The following FKBP5 variants were observed in gnomAD, a reference collection of about 807,000 sequenced individuals.
The protein encoded by FKBP5 is FKBP prolyl isomerase 5, also known as peptidyl-prolyl cis-trans isomerase FKBP5.
A neutral mutation model predicts 50.5 loss-of-function variants in FKBP5; 23 were observed. The observed-to-expected ratio is 0.46, with a 90% CI of 0.33 to 0.65. FKBP5 has a LOEUF of 0.65. Among genes scored for constraint, FKBP5 ranks in the 30% least tolerant of loss-of-function variants. FKBP5 has a pLI of 0.02. For synonymous variants in FKBP5, 176 were observed against 190.6 expected (o/e 0.92, Z 0.63); for missense variants, 411 against 553.1 (o/e 0.74, Z 2.58).
rs3734257 is a variant in FKBP5 at position 35,582,049 on chromosome 6, G to A, written c.841-1828C>T. The A allele has an allele frequency of 9.2e-5, 91 of 985,628 alleles. 1 individual carries two copies. The East Asian group carries it at 8.7e-3, about 95-fold the overall frequency. 61.1% of individuals were successfully genotyped at this position (985,628 alleles called of 1,614,324 possible). The stretch of plus-strand genomic sequence containing the variant: ...CTGCCTGTAGAAAGGAAGCCCTGGT[G>A]TGGATTTTCTGGTGATGAAGATGGG... On this transcript the variant is annotated intron_variant, in intron 8 of 10. Coordinates refer to ENST00000357266, the MANE Select transcript of FKBP5 (RefSeq NM_004117.4).
intron 5 of FKBP5, among the ~76,000 whole-genome samples, chr6:35,610,567 C>CAAAAAAA (rs35101873): frequency 3.4e-5 from 2 of 58,608 alleles, no homozygotes; most frequent in Admixed American, 3.1e-4. Context: ...GACTCCGTCT[C>CAAAAAAA]AAAAAAAAAA....
At chr6:35,637,386 T>C (rs931127374) in intron 2 of FKBP5, among the ~76,000 whole-genome samples, 1 of 152,158 alleles carries the variant, frequency 6.6e-6, no homozygotes, top group Non-Finnish European at 1.5e-5. Context: ...AATCGCACTA[T>C]TTATTCCTTC....
intron 1 of FKBP5, among the ~76,000 whole-genome samples, chr6:35,654,560 C>G (rs1460598094): frequency 2.0e-5 from 3 of 152,190 alleles, no homozygotes; most frequent in African/African-American, 7.2e-5. Flanking sequence ...TGTTTTACCC[C>G]CTGAAGCAAC....
intron 8 of FKBP5, chr6:35,586,711 CTTG>C (rs1762611231): frequency 2.6e-6 from 3 of 1,153,576 alleles, no homozygotes; most frequent in Non-Finnish European, 3.2e-6. Flanking sequence ...TCCAAAAACA[CTTG>C]TTGAGTGCCA....
At chr6:35,610,717 G>A (rs1451348762) in intron 5 of FKBP5, among the ~76,000 whole-genome samples, 1 of 150,696 alleles carries the variant, frequency 6.6e-6, no homozygotes, top group African/African-American at 2.4e-5. Flanking sequence ...TTTAGAACCT[G>A]GCCTTACTGG....
At chr6:35,675,462 C>A (rs559654228) in intron 1 of FKBP5, among the ~76,000 whole-genome samples, 2 of 152,308 alleles carry the variant, frequency 1.3e-5, no homozygotes, top group South Asian at 4.1e-4. Flanking sequence ...CCCAGCTACT[C>A]AGGAGGCTGA....
chr6:35,724,555 A>G (rs1033751782), intron 1 of FKBP5, among the ~76,000 whole-genome samples: 1 of 152,184 alleles, frequency 6.6e-6, no homozygotes, highest in Non-Finnish European at 1.5e-5. Context: ...TTAGTTACAT[A>G]ATCTGAGCAA....
At chr6:35,594,039 G>A (rs1190253770) in intron 6 of FKBP5, among the ~76,000 whole-genome samples, 3 of 151,970 alleles carry the variant, frequency 2.0e-5, no homozygotes. Flanking sequence ...GTCTGGAAAT[G>A]TTTTATGACT....
At chr6:35,610,523 G>A (rs943675572) in intron 5 of FKBP5, among the ~76,000 whole-genome samples, 3 of 125,104 alleles carry the variant, frequency 2.4e-5, no homozygotes. Context: ...AGCCAAGACC[G>A]CGCCACTGCA....
At chr6:35,606,122 G>A (rs1193004883) in intron 5 of FKBP5, among the ~76,000 whole-genome samples, 1 of 152,190 alleles carries the variant, frequency 6.6e-6, no homozygotes, top group Admixed American at 6.5e-5. Flanking sequence ...GAAGCAGATG[G>A]ACAAACTACA....
intron 1 of FKBP5, among the ~76,000 whole-genome samples, chr6:35,656,588 A>G (rs527958102): frequency 9.2e-5 from 14 of 152,318 alleles, no homozygotes; most frequent in African/African-American, 3.4e-4. Context: ...TACAGATGCC[A>G]TAAGAAATTA....
chr6:35,598,222 A>G (rs942382264), intron 5 of FKBP5, among the ~76,000 whole-genome samples: 2 of 152,124 alleles, frequency 1.3e-5, no homozygotes. Flanking sequence ...TTTTTTCTTG[A>G]TGAGTTAGAC....
chr6:35,612,193 C>T (rs1763512643), intron 5 of FKBP5, among the ~76,000 whole-genome samples: 1 of 152,070 alleles, frequency 6.6e-6, no homozygotes, highest in Non-Finnish European at 1.5e-5. Context: ...GAGTTCAAGA[C>T]CAGTCTGGCT....
In FKBP5 at chr6:35,622,512, T is replaced by TA. The variant is rs1351666613; in HGVS notation, c.251-2239dup. Among the ~76,000 whole-genome samples the TA allele has an allele frequency of 5.6e-3, 790 of 140,288 alleles. 8 individuals are homozygous for TA. Among genetic ancestry groups the TA allele is most frequent in the African/African-American group, 0.014 (522 of 38,348 alleles). The allele number at this position is 140,288 out of a possible 152,430, so 92.0% of individuals were successfully genotyped here. On this transcript the variant is annotated intron_variant, in intron 3 of 10. Transcript: ENST00000357266. ...GGTGACAGAGCGAGACCCTGTCTCT[T>TA]AAAAAAAAAAAAAAATCAAGTAATA...
At chr6:35,613,321 T>G (rs1763548689) in intron 5 of FKBP5, among the ~76,000 whole-genome samples, 1 of 152,094 alleles carries the variant, frequency 6.6e-6, no homozygotes. Flanking sequence ...ATCAAGCAAT[T>G]CTCCTGCCTC....
At chr6:35,676,779 C>T (rs1360586433) in intron 1 of FKBP5, among the ~76,000 whole-genome samples, 6 of 152,130 alleles carry the variant, frequency 3.9e-5, no homozygotes, top group Non-Finnish European at 7.4e-5. Context: ...GAAATTTTAA[C>T]ATTTCCCAAA....
chr6:35,685,196 G>C (rs1765788247), intron 1 of FKBP5, among the ~76,000 whole-genome samples: 1 of 152,162 alleles, frequency 6.6e-6, no homozygotes, highest in Non-Finnish European at 1.5e-5. Flanking sequence ...TTATTAATCT[G>C]TTAGTAACCT....
intron 8 of FKBP5, chr6:35,585,227 G>A (rs535417398): frequency 4.8e-4 from 464 of 976,622 alleles, no homozygotes; most frequent in Non-Finnish European, 5.4e-4. Flanking sequence ...TATGGACTTC[G>A]GAAATATAGA....
chr6:35,680,458 C>T (rs1310520914), intron 1 of FKBP5, among the ~76,000 whole-genome samples: 1 of 152,114 alleles, frequency 6.6e-6, no homozygotes, highest in African/African-American at 2.4e-5. Flanking sequence ...AACCAATATC[C>T]ATTAATTATG....
Sources: gnomAD v4.1 joint callset for allele counts (sites outside exome capture counted in the v4.1 genomes callset) on GRCh38, gnomAD v4.1.1 for gene constraint, MANE v1.5 for transcripts, NCBI Gene and HGNC (gene_info 2026-07-23, HGNC 2026-07-21) for gene names.